PAK3: variants seen among roughly 807,000 people sequenced by gnomAD.
PAK3 encodes serine/threonine-protein kinase PAK 3.
PAK3 carries 4 observed loss-of-function variants against 41.0 expected under a neutral mutation model. The ratio of observed to expected loss-of-function variants is 0.10; its 90% CI spans 0.05 to 0.22. The LOEUF (loss-of-function observed/expected upper bound fraction) is 0.22. Among genes scored for constraint, PAK3 ranks in the 10% least tolerant of loss-of-function variants. The pLI, the probability that PAK3 is intolerant of heterozygous loss-of-function variation, is 1.00. For synonymous variants in PAK3, 146 were observed against 139.6 expected (o/e 1.05, Z -0.32); for missense variants, 205 against 409.9 (o/e 0.50, Z 4.32).
chrX:110,972,136 A>T (rs2091221506), intron 1 of PAK3, among the ~76,000 whole-genome samples: 1 of 111,144 alleles, frequency 9.0e-6, no homozygotes, highest in East Asian at 2.8e-4. Context: ...CTCTCTCTAT[A>T]TATGTATGTA....
intron 4 of PAK3, among the ~76,000 whole-genome samples, chrX:111,107,329 G>A (rs920895683): frequency 2.7e-5 from 3 of 112,186 alleles, no homozygotes; most frequent in African/African-American, 9.7e-5. Context: ...AATTTGTACT[G>A]TAAGTGTTCA....
chrX:111,046,373 A>G (rs942369224), intron 1 of PAK3, among the ~76,000 whole-genome samples: 4 of 111,749 alleles, frequency 3.6e-5, no homozygotes, highest in Admixed American at 2.9e-4. Flanking sequence ...AAACAAGAGT[A>G]TGACTTAAAA....
chrX:111,064,211 C>T (rs866747648), intron 1 of PAK3, among the ~76,000 whole-genome samples: 12 of 111,804 alleles, frequency 1.1e-4, no homozygotes, highest in Admixed American at 6.6e-4. Flanking sequence ...GATGATACTG[C>T]GAATCATATA....
chrX:111,043,961 T>A (rs1428509031), intron 1 of PAK3, among the ~76,000 whole-genome samples: 9 of 112,392 alleles, frequency 8.0e-5, no homozygotes, highest in Admixed American at 3.8e-4. Flanking sequence ...CTCATCTCTT[T>A]AGGTTCTCAC....
chrX:111,173,232 G>T (rs759196344), intron 11 of PAK3, 151 bp downstream of exon 11: 1 of 444,520 alleles, frequency 2.2e-6, no homozygotes, highest in Non-Finnish European at 4.0e-6. Flanking sequence ...GGCCTTTCAG[G>T]GGGAGTGCTG....
In PAK3 at chrX:111,097,612, T is replaced by C. The variant is rs928266758; in HGVS notation, c.-248T>C. The C allele has an allele frequency of 3.6e-5, 4 of 110,946 alleles. No individual in the cohort carries two copies. Among genetic ancestry groups the C allele is most frequent in the East Asian group, 2.8e-4 (1 of 3,512 alleles). The allele number at this position is 110,946 out of a possible 1,213,427, so 9.1% of individuals were successfully genotyped here. ...GCCAAGTGTATGGCTGTCTGAGGTA[T>C]TGGAACAGAAGGAGGTCCATTCCTG... On this transcript the variant is annotated 5_prime_UTR_variant, in exon 3 of 18. Coordinates refer to ENST00000372007, the MANE Select transcript of PAK3 (RefSeq NM_002578.5).
At chrX:111,183,388 A>G (rs1280782186) in intron 11 of PAK3, among the ~76,000 whole-genome samples, 2 of 111,538 alleles carry the variant, frequency 1.8e-5, no homozygotes, top group Non-Finnish European at 3.8e-5. Flanking sequence ...ATCCTTGACT[A>G]TGACCTCATT....
upstream of PAK3, among the ~76,000 whole-genome samples, chrX:111,093,115 T>G (rs1447095059): frequency 8.9e-6 from 1 of 111,809 alleles, no homozygotes; most frequent in African/African-American, 3.3e-5. Context: ...GCTAGTTGGG[T>G]TGGTAAAGAC....
At chrX:110,961,631 C>T (rs2090979657) in intron 1 of PAK3, among the ~76,000 whole-genome samples, 2 of 111,607 alleles carry the variant, frequency 1.8e-5, no homozygotes, top group South Asian at 3.8e-4. Flanking sequence ...TCTTTAAAAA[C>T]CTTCTCTTCA....
At chrX:111,128,040 A>G (rs1197172490) in intron 5 of PAK3, among the ~76,000 whole-genome samples, 4 of 112,662 alleles carry the variant, frequency 3.6e-5, no homozygotes, top group South Asian at 7.2e-4. Flanking sequence ...GCCTCCAAGA[A>G]TAATCAATGT....
upstream of PAK3, among the ~76,000 whole-genome samples, chrX:111,091,776 T>G (rs141621110): frequency 1.5e-3 from 173 of 112,140 alleles, no homozygotes; most frequent in African/African-American, 5.5e-3. Flanking sequence ...GGCAACGGGT[T>G]GTAGTGAGCG....
intron 1 of PAK3, among the ~76,000 whole-genome samples, chrX:110,970,964 G>T (rs1269568813): frequency 4.5e-5 from 5 of 111,540 alleles, no homozygotes; most frequent in African/African-American, 1.6e-4. Flanking sequence ...TATTGCACTG[G>T]GTAGTACTAC....
intron 1 of PAK3, among the ~76,000 whole-genome samples, chrX:110,997,988 A>T (rs994262847): frequency 3.6e-5 from 4 of 111,778 alleles, no homozygotes; most frequent in Admixed American, 9.5e-5. Flanking sequence ...AACTGTAAGA[A>T]ATACATTTCT....
chrX:111,133,736 A>G (rs748787661), intron 5 of PAK3, among the ~76,000 whole-genome samples: 46 of 112,406 alleles, frequency 4.1e-4, no homozygotes, highest in South Asian at 7.3e-4. Context: ...TTATTTCTGC[A>G]GTAAAAATGC....
chrX:110,985,516 C>T (rs945800486), intron 1 of PAK3, among the ~76,000 whole-genome samples: 1 of 112,099 alleles, frequency 8.9e-6, no homozygotes, highest in Non-Finnish European at 1.9e-5. Flanking sequence ...CAATTTTGCT[C>T]CCTATTCCAC....
intron 4 of PAK3, among the ~76,000 whole-genome samples, chrX:111,107,414 G>A (rs1052581605): frequency 3.6e-5 from 4 of 112,434 alleles, no homozygotes; most frequent in Non-Finnish European, 5.6e-5. Flanking sequence ...TTCAGTAGGC[G>A]TGGATAAAGA....
intron 8 of PAK3, among the ~76,000 whole-genome samples, chrX:111,155,643 C>T (rs751226970): frequency 6.3e-5 from 7 of 111,117 alleles, no homozygotes; most frequent in Non-Finnish European, 1.3e-4. Context: ...GGCTGAAGCT[C>T]AGTGTCTGGT....
At chrX:111,159,198 G>A (rs911582049) in intron 8 of PAK3, among the ~76,000 whole-genome samples, 17 of 109,192 alleles carry the variant, frequency 1.6e-4, no homozygotes, top group African/African-American at 5.9e-4. Context: ...AAATACTCAA[G>A]AATTTTTGCT....
intron 1 of PAK3, among the ~76,000 whole-genome samples, chrX:111,041,034 T>C (rs923797448): frequency 8.9e-6 from 1 of 112,315 alleles, no homozygotes; most frequent in African/African-American, 3.2e-5. Flanking sequence ...ACGATATAGC[T>C]CCTTTCTTCC....
Sources: allele counts gnomAD v4.1 joint callset (sites outside exome capture counted in the v4.1 genomes callset), GRCh38; gene constraint gnomAD v4.1.1; transcripts MANE v1.5; gene names NCBI Gene and HGNC (gene_info 2026-07-23, HGNC 2026-07-21).